Variants in SNX6 observed in about 807,000 individuals in gnomAD.
SNX6 encodes sorting nexin-6.
SNX6 carries 34 observed loss-of-function variants against 63.0 expected under a neutral mutation model. The ratio of observed to expected loss-of-function variants is 0.54; its 90% CI spans 0.41 to 0.72. The LOEUF (loss-of-function observed/expected upper bound fraction) is 0.72, where lower values mean the gene tolerates loss of function less well. Among genes scored for constraint, SNX6 ranks in the 30% least tolerant of loss-of-function variants. The pLI is 0.00. For missense variants in SNX6, 398 were observed against 471.4 expected, an observed-to-expected ratio of 0.84 and a Z score of 1.44; for synonymous variants, 170 against 164.2, an observed-to-expected ratio of 1.04 and a Z score of -0.27.
At chr14:34,587,008 C>CAAAAAAAAA (rs71121211) in intron 8 of SNX6, among the ~76,000 whole-genome samples, 10 of 50,108 alleles carry the variant, frequency 2.0e-4, no homozygotes, top group Middle Eastern at 0.026. Flanking sequence ...GACTCTGTCT[C>CAAAAAAAAA]AAAAAAAAAA....
chr14:34,570,484 C>T (rs552291515), intron 11 of SNX6, among the ~76,000 whole-genome samples: 1 of 151,280 alleles, frequency 6.6e-6, no homozygotes, highest in Non-Finnish European at 1.5e-5. Flanking sequence ...TGCAGTGGTG[C>T]GATCTCGGCT....
chr14:34,567,247 G>A (rs1881225729), intron 13 of SNX6, among the ~76,000 whole-genome samples: 1 of 151,932 alleles, frequency 6.6e-6, no homozygotes, highest in Non-Finnish European at 1.5e-5. Flanking sequence ...AGCACTTTGG[G>A]AGGCTGAGGC....
At chr14:34,625,082 A>AT (rs1325290294) in intron 2 of SNX6, among the ~76,000 whole-genome samples, 2 of 151,644 alleles carry the variant, frequency 1.3e-5, no homozygotes, top group East Asian at 2.0e-4. Context: ...TGCCCAGCTA[A>AT]TTTTCTGTAT....
intron 8 of SNX6, 31 bp from the exon 9 acceptor site, chr14:34,586,336 C>T: frequency 7.2e-7 from 1 of 1,386,050 alleles, no homozygotes; most frequent in Middle Eastern, 1.8e-4. Context: ...ATTTAGTATA[C>T]CTATTCATAG....
At chr14:34,598,632 C>T (rs536892087) in intron 6 of SNX6, among the ~76,000 whole-genome samples, 41 of 152,308 alleles carry the variant, frequency 2.7e-4, no homozygotes, top group African/African-American at 9.6e-4. Flanking sequence ...ATCCAACCAC[C>T]TTGGCCTCCC....
intron 11 of SNX6, chr14:34,568,640 T>TG (rs1183136062): frequency 5.3e-6 from 4 of 761,678 alleles, no homozygotes; most frequent in Non-Finnish European, 9.0e-6. Flanking sequence ...GCCTGTTTTT[T>TG]TTTTTTTTTT....
At chr14:34,629,820 G>A in intron 2 of SNX6, 87 bp downstream of exon 2, 1 of 1,532,374 alleles carries the variant, frequency 6.5e-7, no homozygotes, top group Non-Finnish European at 8.8e-7. Flanking sequence ...CCGCGCGGCT[G>A]GGGACCCATC....
intron 2 of SNX6, among the ~76,000 whole-genome samples, chr14:34,613,041 CAAAA>C (rs34313201): frequency 2.5e-5 from 3 of 117,844 alleles, no homozygotes; most frequent in African/African-American, 9.6e-5. Flanking sequence ...AGACTCTATC[CAAAA>C]AAAAAAAAAA....
chr14:34,617,473 C>T (rs1171284969), intron 2 of SNX6, among the ~76,000 whole-genome samples: 2 of 151,750 alleles, frequency 1.3e-5, no homozygotes, highest in African/African-American at 4.8e-5. Context: ...GATCGTGTCT[C>T]CACAAAAAAT....
chr14:34,629,817 G>GCTGGGGACCCATCCCCGTACCACAC, intron 2 of SNX6, 90 bp downstream of exon 2: 1 of 1,526,344 alleles, frequency 6.6e-7, no homozygotes, highest in Non-Finnish European at 8.8e-7. Context: ...GTGCCGCGCG[G>GCTGGGGACCCATCCCCGTACCACAC]CTGGGGACCC....
intron 6 of SNX6, among the ~76,000 whole-genome samples, chr14:34,600,271 A>T (rs1882758631): frequency 6.6e-6 from 1 of 151,918 alleles, no homozygotes; most frequent in Non-Finnish European, 1.5e-5. Flanking sequence ...ATTACAGGCA[A>T]GCGCCACCAC....
rs983407682 is a variant in SNX6 at position 34,567,700 on chromosome 14, G to A, written c.1153C>T (p.Leu385=). 2 of 1,612,852 alleles carry A rather than the reference G, an allele frequency of 1.2e-6. No homozygotes were observed. The highest frequency in any genetic ancestry group is 2.7e-5 in the African/African-American group (2 of 74,868). ...KNLVELAELE[L]KHAKGNLQLL... ...TACAACACTACCTTTGCATGCTTCA[G>A]TTCTAACTCTGCCAGTTCCACTAAA... Residue 385 remains leucine (L), a synonymous_variant, in exon 13 of 14, where the codon CTG becomes TTG. Coordinates refer to ENST00000362031, the MANE Select transcript of SNX6 (RefSeq NM_152233.4).
chr14:34,622,932 C>T (rs1424096876), intron 2 of SNX6, among the ~76,000 whole-genome samples: 1 of 152,060 alleles, frequency 6.6e-6, no homozygotes, highest in Non-Finnish European at 1.5e-5. Context: ...ATGGAAAGTC[C>T]CTGACATGCA....
Position 34,562,761 on chromosome 14 carries a change from AAGG to A in SNX6, c.*358_*360del. 1 of 199,670 alleles carries A rather than the reference AAGG, an allele frequency of 5.0e-6. No homozygotes were observed. The highest frequency in any genetic ancestry group is 1.0e-5 in the Non-Finnish European group (1 of 99,472). 12.4% of individuals were successfully genotyped at this position (199,670 alleles called of 1,614,324 possible). The stretch of plus-strand genomic sequence containing the variant: ...TCTTGTTTCAACAATGCATTCTGAA[AAGG>A]TTAAATTTCAGAAATTATTTAAAGG... On this transcript the variant is annotated 3_prime_UTR_variant, in exon 14 of 14. Coordinates refer to ENST00000362031, the MANE Select transcript of SNX6 (RefSeq NM_152233.4).
rs1343681387 is a variant in SNX6 at position 34,603,465 on chromosome 14, A to G, written c.399T>C (p.Tyr133=). Residue 133 remains tyrosine (Y), a synonymous_variant, in exon 6 of 14, where the codon TAT becomes TAC. Transcript: ENST00000362031. ...CAACTGTCTTCTTGAATATTGCCAA[A>G]TATTCACTAGAAACAATATACAAAA... ...TKMKQELEAE[Y]LAIFKKTVAM... 24 of 1,593,258 alleles carry G rather than the reference A, an allele frequency of 1.5e-5. No individual in the cohort carries two copies. The highest frequency in any genetic ancestry group is 2.0e-5 in the Non-Finnish European group (24 of 1,171,698).
chr14:34,608,418 C>T (rs1056834332), intron 3 of SNX6, among the ~76,000 whole-genome samples: 3 of 152,154 alleles, frequency 2.0e-5, no homozygotes, highest in Non-Finnish European at 2.9e-5. Context: ...CTGCCTCGGC[C>T]TCCCAAAGTG....
chr14:34,567,402 G>A (rs1301874476), intron 13 of SNX6, among the ~76,000 whole-genome samples: 4 of 152,084 alleles, frequency 2.6e-5, no homozygotes, highest in East Asian at 3.8e-4. Flanking sequence ...CGTGAGAATC[G>A]CTTGAACCCG....
rs554265507 is a variant in SNX6 at position 34,587,964 on chromosome 14, C to G, written c.719-1659G>C. 9.6e-4 allele frequency among the ~76,000 whole-genome samples: 146 copies of G among 151,554 alleles called. 1 individual carries two copies. The highest frequency in any genetic ancestry group is 3.5e-3 in the African/African-American group (143 of 41,364). Reference sequence around the variant, plus strand: ...TAGCTGGGACTACAGGGGCATGCCACCATGCCCAGCTAATTTTTGTATTTT... The same window carrying G: ...TAGCTGGGACTACAGGGGCATGCCAGCATGCCCAGCTAATTTTTGTATTTT... On this transcript the variant is annotated intron_variant, in intron 8 of 13. Coordinates refer to ENST00000362031, the MANE Select transcript of SNX6 (RefSeq NM_152233.4).
At chr14:34,573,543 C>A (rs546350923) in intron 11 of SNX6, among the ~76,000 whole-genome samples, 1 of 152,116 alleles carries the variant, frequency 6.6e-6, no homozygotes, top group East Asian at 1.9e-4. Context: ...CCACTGCACT[C>A]CAGCCTGGGC....
Sources: allele counts gnomAD v4.1 joint callset (sites outside exome capture counted in the v4.1 genomes callset), GRCh38; gene constraint gnomAD v4.1.1; transcripts MANE v1.5; gene names NCBI Gene and HGNC (gene_info 2026-07-23, HGNC 2026-07-21).